Variants in NEDD4L observed in about 807,000 individuals in gnomAD.
NEDD4L encodes E3 ubiquitin-protein ligase NEDD4-like.
NEDD4L carries 54 observed loss-of-function variants against 148.9 expected under a neutral mutation model. The ratio of observed to expected loss-of-function variants is 0.36; its 90% confidence interval spans 0.29 to 0.45. The LOEUF is 0.45. Among genes scored for constraint, NEDD4L ranks in the 20% least tolerant of loss-of-function variants. The probability of loss-of-function intolerance (pLI) is 1.00; values close to 1 mark genes in which losing one functional copy is unlikely to be tolerated. For missense variants in NEDD4L, 856 were observed against 1,233.8 expected, an observed-to-expected ratio of 0.69 and a Z score of 4.59; for synonymous variants, 433 against 440.7, an observed-to-expected ratio of 0.98 and a Z score of 0.22.
At chr18:58,177,261 T>G (rs2146884487) in intron 2 of NEDD4L, among the ~76,000 whole-genome samples, 1 of 152,244 alleles carries the variant, frequency 6.6e-6, no homozygotes, top group African/African-American at 2.4e-5. Context: ...TTTCCTTTTC[T>G]TGCGGGGAGG....
At chr18:58,316,082 A>G in intron 6 of NEDD4L, 50 bp downstream of exon 6, 1 of 1,452,444 alleles carries the variant, frequency 6.9e-7, no homozygotes, top group South Asian at 1.2e-5. Context: ...GGGGGTTTCT[A>G]ATTGTTTGTA....
chr18:58,078,327 A>G (rs568194405), intron 1 of NEDD4L, among the ~76,000 whole-genome samples: 67 of 152,346 alleles, frequency 4.4e-4, no homozygotes, highest in Admixed American at 7.8e-4. Flanking sequence ...TTCTTTTAAT[A>G]TATCTTAAAT....
At chr18:58,137,234 T>C (rs1475402226) in intron 1 of NEDD4L, among the ~76,000 whole-genome samples, 1 of 152,210 alleles carries the variant, frequency 6.6e-6, no homozygotes, top group Non-Finnish European at 1.5e-5. Context: ...TTTATGTGGA[T>C]TCATTTATTC....
intron 1 of NEDD4L, among the ~76,000 whole-genome samples, chr18:58,145,394 G>T (rs927757154): frequency 6.6e-6 from 1 of 152,146 alleles, no homozygotes; most frequent in African/African-American, 2.4e-5. Context: ...TATACCGTGG[G>T]TATCTTCCTT....
intron 1 of NEDD4L, among the ~76,000 whole-genome samples, chr18:58,144,939 G>A (rs938988572): frequency 1.3e-5 from 2 of 152,218 alleles, no homozygotes; most frequent in Non-Finnish European, 2.9e-5. Context: ...CCTCATGCGA[G>A]GAGTTGCTCC....
At chr18:58,394,433 A>G (rs2050221572) in intron 30 of NEDD4L, among the ~76,000 whole-genome samples, 1 of 152,264 alleles carries the variant, frequency 6.6e-6, no homozygotes, top group African/African-American at 2.4e-5. Context: ...ATGGTCACAG[A>G]TTCTCAAGAA....
At chr18:58,381,564 C>T (rs1027474333) in intron 24 of NEDD4L, among the ~76,000 whole-genome samples, 1 of 152,154 alleles carries the variant, frequency 6.6e-6, no homozygotes, top group African/African-American at 2.4e-5. Flanking sequence ...AGGAAAGATT[C>T]GGCTTGAGTG....
chr18:58,316,950 T>A (rs200345660), intron 6 of NEDD4L, among the ~76,000 whole-genome samples: 52,016 of 151,336 alleles, frequency 0.34, 9,678 homozygotes, highest in African/African-American at 0.49. Flanking sequence ...AAAGTGACTT[T>A]ACTTTATTTA....
intron 2 of NEDD4L, among the ~76,000 whole-genome samples, chr18:58,237,140 G>A (rs901721135): frequency 1.2e-4 from 19 of 152,110 alleles, no homozygotes; most frequent in African/African-American, 4.3e-4. Context: ...TAGAAACACT[G>A]TTGTCTGATT....
chr18:58,201,416 G>T (rs536959574), intron 2 of NEDD4L, among the ~76,000 whole-genome samples: 4 of 152,064 alleles, frequency 2.6e-5, no homozygotes, highest in Admixed American at 6.5e-5. Flanking sequence ...GACAACATGA[G>T]AGCCAACAGC....
intron 1 of NEDD4L, among the ~76,000 whole-genome samples, chr18:58,136,494 A>C (rs2032863077): frequency 6.6e-6 from 1 of 152,266 alleles, no homozygotes. Flanking sequence ...ATTTTGTTTG[A>C]TATGCGGGGA....
chr18:58,048,890 T>C (rs2081725550), intron 1 of NEDD4L, among the ~76,000 whole-genome samples: 1 of 152,234 alleles, frequency 6.6e-6, no homozygotes, highest in South Asian at 2.1e-4. Flanking sequence ...CTTGTTTACA[T>C]ATAATTATCC....
At chr18:58,062,651 A>G (rs1226635780) in intron 1 of NEDD4L, among the ~76,000 whole-genome samples, 1 of 152,154 alleles carries the variant, frequency 6.6e-6, no homozygotes, top group Admixed American at 6.5e-5. Flanking sequence ...TCATATTCGC[A>G]TGTGTGGAGC....
rs1350797392 is a variant in NEDD4L at position 58,226,811 on chromosome 18, G to A, written c.123-18616G>A. Among the ~76,000 whole-genome samples, 7 of 152,206 alleles carry A rather than the reference G, an allele frequency of 4.6e-5. No individual in the cohort carries two copies. In the East Asian group the frequency reaches 1.4e-3, roughly 29 times the overall value. On this transcript the variant is annotated intron_variant, in intron 2 of 30. Transcript: ENST00000400345. ...CAGTTGTTTTTAGTTGCACATGGCA[G>A]AGCTAGAAAACAAACCAGGGTGTGT...
Position 58,044,547 on chromosome 18 carries a change from G to C in NEDD4L, c.-114G>C. 2 of 1,278,442 alleles carry C rather than the reference G, an allele frequency of 1.6e-6. No individual in the cohort carries two copies. Among genetic ancestry groups the C allele is most frequent in the Non-Finnish European group, 2.0e-6 (2 of 1,003,510 alleles). 79.2% of individuals were successfully genotyped at this position (1,278,442 alleles called of 1,614,324 possible). On this transcript the variant is annotated 5_prime_UTR_variant, in exon 1 of 31. Transcript: ENST00000400345. Reference sequence around the variant, plus strand: ...CCCGGCCGCTTACCCGGCAGGGCGTGCGCAGGGTAGGGTGCGGGACCGGGG... The same window carrying C: ...CCCGGCCGCTTACCCGGCAGGGCGTCCGCAGGGTAGGGTGCGGGACCGGGG...
At chr18:58,063,039 C>CTTTTTTTTT (rs74183235) in intron 1 of NEDD4L, among the ~76,000 whole-genome samples, 4 of 91,144 alleles carry the variant, frequency 4.4e-5, no homozygotes, top group African/African-American at 9.6e-5. Flanking sequence ...TTTATTTGTT[C>CTTTTTTTTT]TTTTTTTTTT....
chr18:58,331,916 A>G (rs2059821930), intron 11 of NEDD4L, among the ~76,000 whole-genome samples: 1 of 152,250 alleles, frequency 6.6e-6, no homozygotes, highest in Non-Finnish European at 1.5e-5. Flanking sequence ...CATTCAGTTA[A>G]TGTGATTTCA....
intron 2 of NEDD4L, among the ~76,000 whole-genome samples, chr18:58,227,190 C>T (rs2044468571): frequency 6.6e-6 from 1 of 152,222 alleles, no homozygotes; most frequent in African/African-American, 2.4e-5. Context: ...AATGTAGGCT[C>T]CGCAGAGGTA....
At chr18:58,249,257 C>T (rs562047503) in intron 4 of NEDD4L, among the ~76,000 whole-genome samples, 32 of 152,056 alleles carry the variant, frequency 2.1e-4, no homozygotes, top group Admixed American at 1.6e-3. Context: ...TTCTATGAGA[C>T]GGGTTATGAA....
Sources: gnomAD v4.1 joint callset for allele counts (sites outside exome capture counted in the v4.1 genomes callset) on GRCh38, gnomAD v4.1.1 for gene constraint, MANE v1.5 for transcripts, NCBI Gene and HGNC (gene_info 2026-07-23, HGNC 2026-07-21) for gene names.